BACH2: variants seen among roughly 807,000 people sequenced by gnomAD.
The protein encoded by BACH2 is transcription regulator protein BACH2.
Under a neutral mutation model 61.8 loss-of-function variants are expected in BACH2, and 5 were observed. The ratio of observed to expected loss-of-function variants is 0.08; its 90% CI spans 0.04 to 0.17. The LOEUF is 0.17. Ranked by LOEUF, BACH2 falls within the 10% of genes least tolerant of loss-of-function variation. The probability of loss-of-function intolerance (pLI) is 1.00; values close to 1 mark genes in which losing one functional copy is unlikely to be tolerated. For synonymous variants in BACH2, 446 were observed against 440.1 expected, an observed-to-expected ratio of 1.01 and a Z score of -0.17; for missense variants, 824 against 1,091.1, an observed-to-expected ratio of 0.76 and a Z score of 3.45.
Position 90,008,472 on chromosome 6 carries a change from T to C in BACH2, c.243+130A>G. On this transcript the variant is annotated intron_variant, in intron 6 of 8. Transcript: ENST00000257749. This position sits in a 1 kb window ranked among gnomAD's most constrained non-coding sequence, Gnocchi z 4.1. ...ATAGAAACTGACTATGCCACAGACC[T>C]AACATGTGACTTGGACATCAACTCC... 2.6e-6 allele frequency: 3 copies of C among 1,141,816 alleles called. No homozygotes were observed. The South Asian group carries it at 4.4e-5, about 17-fold the overall frequency. 70.7% of individuals were successfully genotyped at this position (1,141,816 alleles called of 1,614,324 possible).
intron 2 of BACH2, among the ~76,000 whole-genome samples, chr6:90,270,171 G>A (rs960353219): frequency 1.1e-4 from 16 of 152,102 alleles, no homozygotes; most frequent in Non-Finnish European, 1.8e-4. Context: ...TTGAAATTGC[G>A]AATTGTGCTG....
intron 4 of BACH2, among the ~76,000 whole-genome samples, chr6:90,190,641 C>T (rs1181979532): frequency 1.3e-5 from 2 of 152,248 alleles, no homozygotes; most frequent in Admixed American, 1.3e-4. Flanking sequence ...AGAGTCCCTA[C>T]AGACTTCAAA....
chr6:89,955,209 A>G (rs542667447), intron 6 of BACH2, among the ~76,000 whole-genome samples: 2 of 152,356 alleles, frequency 1.3e-5, no homozygotes, highest in East Asian at 3.9e-4. Context: ...TTCCAAACCA[A>G]GTCCAGTCTG....
intron 4 of BACH2, among the ~76,000 whole-genome samples, chr6:90,126,224 A>T (rs1309627510): frequency 6.6e-6 from 1 of 152,218 alleles, no homozygotes; most frequent in East Asian, 1.9e-4. Context: ...AAGCACATAT[A>T]CCTTAAGGAT....
chr6:90,029,730 G>A (rs1348264084), intron 5 of BACH2, among the ~76,000 whole-genome samples: 2 of 152,174 alleles, frequency 1.3e-5, no homozygotes, highest in African/African-American at 2.4e-5. Context: ...TTTCTGCTGA[G>A]GTCTCCTTCC....
chr6:90,130,656 A>G lies in BACH2; in HGVS notation c.-161-41547T>C, dbSNP rs978700236. Among the ~76,000 whole-genome samples the G allele has an allele frequency of 1.3e-5, 2 of 152,198 alleles. 1 individual carries two copies. On this transcript the variant is annotated intron_variant, in intron 4 of 8. Coordinates refer to ENST00000257749, the MANE Select transcript of BACH2 (RefSeq NM_021813.4). ...ATCTACCTCCAGTGGTTTCATCCCA[A>G]TAGGAACCATCAATTGTGAACAGCT...
intron 2 of BACH2, among the ~76,000 whole-genome samples, chr6:90,265,551 C>T (rs968798173): frequency 4.6e-5 from 7 of 152,032 alleles, no homozygotes; most frequent in African/African-American, 1.7e-4. Context: ...CTTAATTAGC[C>T]CGATGTGTCT....
chr6:90,281,249 C>A (rs1011447906), intron 1 of BACH2, among the ~76,000 whole-genome samples: 2 of 152,122 alleles, frequency 1.3e-5, no homozygotes, highest in African/African-American at 2.4e-5. Context: ...AGCAAGTGTT[C>A]CCATGTGCAC....
At chr6:90,139,393 A>T (rs1184573967) in intron 4 of BACH2, among the ~76,000 whole-genome samples, 1 of 152,146 alleles carries the variant, frequency 6.6e-6, no homozygotes, top group East Asian at 1.9e-4. Flanking sequence ...AGTGAGGGAG[A>T]AGGTGGGGAA....
chr6:89,951,822 T>C lies in BACH2; in HGVS notation c.284A>G (p.Tyr95Cys), dbSNP rs1774144945. Residue 95 changes from tyrosine to cysteine, a missense_variant, in exon 7 of 9, where the codon TAC (tyrosine) becomes TGC (cysteine). Tyr to Cys is a radical substitution (Grantham distance 194). Around this residue, in one of 8 missense-constraint regions of BACH2, gnomAD observed 66 missense variants for 144.8 expected, o/e 0.46. Transcript: ENST00000257749. This position sits in a 1 kb window ranked among gnomAD's most constrained non-coding sequence, Gnocchi z 6.4. ...RGFGPLLQFA[Y>C]TAKLLLSREN... ...TCTGCTGAGTAACAGCTTGGCAGTG[T>C]AGGCAAACTGTAACAGCGGCCCAAA... is the stretch of plus-strand genomic sequence containing the variant. The C allele has an allele frequency of 6.2e-7, 1 of 1,614,016 alleles. No homozygotes were observed.
At chr6:90,257,988 A>C (rs1156681274) in intron 2 of BACH2, among the ~76,000 whole-genome samples, 5 of 152,054 alleles carry the variant, frequency 3.3e-5, no homozygotes, top group Non-Finnish European at 2.9e-5. Context: ...GTTGGCCAGG[A>C]TGGTCTCGAT....
chr6:90,022,598 G>T (rs752674434), intron 5 of BACH2, among the ~76,000 whole-genome samples: 1 of 152,150 alleles, frequency 6.6e-6, no homozygotes, highest in Non-Finnish European at 1.5e-5. Flanking sequence ...ATGAATGAAC[G>T]AATGAACGAA....
chr6:89,997,696 T>C (rs935060808), intron 6 of BACH2, among the ~76,000 whole-genome samples: 1 of 152,170 alleles, frequency 6.6e-6, no homozygotes, highest in African/African-American at 2.4e-5. Flanking sequence ...TTCTTAACTA[T>C]CATACAAAAC....
intron 3 of BACH2, among the ~76,000 whole-genome samples, chr6:90,241,790 CATAAG>C (rs1432113083): frequency 2.1e-5 from 3 of 146,246 alleles, no homozygotes; most frequent in Non-Finnish European, 4.6e-5. Context: ...TGAGATAACA[CATAAG>C]ATAAATGAAA....
intron 1 of BACH2, among the ~76,000 whole-genome samples, chr6:90,275,608 C>G (rs569653461): frequency 6.6e-6 from 1 of 152,222 alleles, no homozygotes; most frequent in South Asian, 2.1e-4. Context: ...AGGTACTAAG[C>G]CTAGTACCTG....
At chr6:90,016,789 G>A (rs1778088570) in intron 5 of BACH2, among the ~76,000 whole-genome samples, 1 of 151,784 alleles carries the variant, frequency 6.6e-6, no homozygotes, top group Non-Finnish European at 1.5e-5. Context: ...GAAGGGTATA[G>A]ATTCCAGGTT....
intron 6 of BACH2, among the ~76,000 whole-genome samples, chr6:89,959,749 GT>G (rs781156896): frequency 6.6e-6 from 1 of 152,178 alleles, no homozygotes; most frequent in Non-Finnish European, 1.5e-5. Context: ...AAACTCATAT[GT>G]TGGTTATTTA....
At chr6:90,226,827 G>A (rs1436947475) in intron 3 of BACH2, among the ~76,000 whole-genome samples, 5 of 152,082 alleles carry the variant, frequency 3.3e-5, no homozygotes, top group African/African-American at 1.2e-4. Context: ...TTCATTTAGA[G>A]AAAACACCAT....
chr6:90,227,382 C>T (rs895996874), intron 3 of BACH2, among the ~76,000 whole-genome samples: 1 of 152,128 alleles, frequency 6.6e-6, no homozygotes, highest in East Asian at 1.9e-4. Flanking sequence ...GTCTTTCAGG[C>T]CTTACAATCT....
Sources: allele counts gnomAD v4.1 joint callset (sites outside exome capture counted in the v4.1 genomes callset), GRCh38; gene constraint gnomAD v4.1.1; regional missense constraint gnomAD v4.1.1; non-coding constraint Gnocchi (gnomAD v3.1); transcripts MANE v1.5; gene names NCBI Gene and HGNC (gene_info 2026-07-23, HGNC 2026-07-21).